GOLGA1: variants seen among roughly 807,000 people sequenced by gnomAD.
The protein encoded by GOLGA1 is golgin A1, also known as golgin subfamily A member 1.
A neutral mutation model predicts 119.7 loss-of-function variants in GOLGA1; 63 were observed. That is an observed-to-expected ratio of 0.53 (90% CI 0.43 to 0.65). The LOEUF (loss-of-function observed/expected upper bound fraction) is 0.65. Ranked by LOEUF, GOLGA1 falls within the 30% of genes least tolerant of loss-of-function variation. GOLGA1 has a pLI of 0.00. For missense variants in GOLGA1, 798 were observed against 912.8 expected, an observed-to-expected ratio of 0.87 and a Z score of 1.62; for synonymous variants, 318 against 333.4, an observed-to-expected ratio of 0.95 and a Z score of 0.50.
upstream of GOLGA1, chr9:124,945,928 G>A (rs753498255): frequency 1.3e-5 from 2 of 152,166 alleles, no homozygotes; most frequent in Non-Finnish European, 2.9e-5. Context: ...TAGTTGTAAA[G>A]TATCAATGTA....
intron 19 of GOLGA1, among the ~76,000 whole-genome samples, chr9:124,883,192 T>C (rs1379596668): frequency 6.6e-6 from 1 of 151,972 alleles, no homozygotes; most frequent in Non-Finnish European, 1.5e-5. Flanking sequence ...CTCCGCCTCC[T>C]GGGTTCAAGT....
At chr9:124,925,692 G>C (rs1830659303) in intron 7 of GOLGA1, among the ~76,000 whole-genome samples, 1 of 152,092 alleles carries the variant, frequency 6.6e-6, no homozygotes, top group African/African-American at 2.4e-5. Flanking sequence ...CCCAGCCTGG[G>C]CAACAGAACA....
chr9:124,915,877 G>A (rs1279834354), intron 10 of GOLGA1, among the ~76,000 whole-genome samples: 2 of 152,048 alleles, frequency 1.3e-5, no homozygotes, highest in Middle Eastern at 3.2e-3. Flanking sequence ...TCCGAGGCAG[G>A]CAGATCAAGA....
chr9:124,917,886 C>T (rs927898761), intron 10 of GOLGA1, among the ~76,000 whole-genome samples: 1 of 151,888 alleles, frequency 6.6e-6, no homozygotes, highest in African/African-American at 2.4e-5. Context: ...GAGTTTCGCT[C>T]TTTTTGCCCA....
At chr9:124,882,777 G>A (rs1309025481) in intron 19 of GOLGA1, among the ~76,000 whole-genome samples, 4 of 152,094 alleles carry the variant, frequency 2.6e-5, no homozygotes, top group Admixed American at 2.0e-4. Flanking sequence ...GCTTTCACAC[G>A]CTTGAGTCTC....
chr9:124,893,541 T>C (rs1232131197), intron 15 of GOLGA1, among the ~76,000 whole-genome samples: 1 of 152,182 alleles, frequency 6.6e-6, no homozygotes, highest in Admixed American at 6.5e-5. Flanking sequence ...AATGGGCTTT[T>C]CCTGGGCCAC....
At chr9:124,886,125 G>A (rs776658423) in intron 19 of GOLGA1, among the ~76,000 whole-genome samples, 3 of 152,216 alleles carry the variant, frequency 2.0e-5, no homozygotes, top group East Asian at 1.9e-4. Flanking sequence ...TGTGTTTTCC[G>A]ATGTTTTGAG....
At chr9:124,911,509 G>A (rs1830341419) in intron 11 of GOLGA1, among the ~76,000 whole-genome samples, 1 of 152,234 alleles carries the variant, frequency 6.6e-6, no homozygotes, top group South Asian at 2.1e-4. Context: ...AGGAGAGAAT[G>A]CTGCCCAAGG....
rs1316023640 is a variant in GOLGA1, at chr9:124,931,361, G to T, written c.181C>A (p.Leu61Met). The T allele has an allele frequency of 6.2e-7, 1 of 1,600,240 alleles. No homozygotes were observed. Among genetic ancestry groups the T allele is most frequent in the Admixed American group, 1.7e-5 (1 of 59,980 alleles). Residue 61 changes from leucine to methionine, a missense_variant, in exon 4 of 23, where the codon CTG becomes ATG. Physicochemically the swap from Leu to Met is conservative, Grantham distance 15. Coordinates refer to ENST00000373555, the MANE Select transcript of GOLGA1 (RefSeq NM_002077.4). ...SSREDLSSQLLRRNEQIRKLE... is the reference protein window; with the variant it reads ...SSREDLSSQLMRRNEQIRKLE... ...TTCCGTATCTGTTCATTCCTTCTCAGAAGCTGGGATGAAAGATCTTCTCTG... is the reference window on the plus strand; with the variant it reads ...TTCCGTATCTGTTCATTCCTTCTCATAAGCTGGGATGAAAGATCTTCTCTG...
At chr9:124,891,425 A>C (rs923882159) in intron 15 of GOLGA1, among the ~76,000 whole-genome samples, 3 of 152,254 alleles carry the variant, frequency 2.0e-5, no homozygotes, top group Non-Finnish European at 4.4e-5. Context: ...AAAATACATG[A>C]AGCAAAGACA....
At chr9:124,897,637 G>A (rs935676835) in intron 15 of GOLGA1, among the ~76,000 whole-genome samples, 3 of 152,058 alleles carry the variant, frequency 2.0e-5, no homozygotes, top group African/African-American at 7.2e-5. Context: ...CACCGCACTG[G>A]CTCATTGCTA....
rs202060274 is a variant in GOLGA1, at chr9:124,900,370, C to T, written c.1161+82G>A. ...AGGTCCAGGTACCGTTGCCGAAGTTCGGAATGAGTTTGGAGCATCTGCAAA... is the reference window on the plus strand; with the variant it reads ...AGGTCCAGGTACCGTTGCCGAAGTTTGGAATGAGTTTGGAGCATCTGCAAA... On this transcript the variant is annotated intron_variant, in intron 13 of 22. Coordinates refer to ENST00000373555, the MANE Select transcript of GOLGA1 (RefSeq NM_002077.4). 2,827 of 762,578 alleles carry T rather than the reference C, an allele frequency of 3.7e-3. 10 individuals are homozygous for T. Among genetic ancestry groups the T allele is most frequent in the Middle Eastern group, 6.2e-3 (19 of 3,064 alleles). The allele number at this position is 762,578 out of a possible 1,614,324, so 47.2% of individuals were successfully genotyped here. A position where few individuals can be genotyped will look rare whatever the true frequency, so the allele number is the denominator to read the frequency against.
Position 124,908,490 on chromosome 9 carries a change from A to G in GOLGA1, c.970-18T>C, listed in dbSNP as rs762670613. On this transcript the variant is annotated intron_variant, in intron 11 of 22. Coordinates refer to ENST00000373555, the MANE Select transcript of GOLGA1 (RefSeq NM_002077.4). ...AGTGTTTTCTGTAAGTTGAAAGAAGAGTAAAAGAAGACTATCATTCCTCAG... is the reference window on the plus strand; with the variant it reads ...AGTGTTTTCTGTAAGTTGAAAGAAGGGTAAAAGAAGACTATCATTCCTCAG... 4.1e-5 allele frequency: 52 copies of G among 1,265,996 alleles called. No homozygotes were observed. Among genetic ancestry groups the G allele is most frequent in the Non-Finnish European group, 5.7e-5 (49 of 861,888 alleles). The allele number at this position is 1,265,996 out of a possible 1,614,324, so 78.4% of individuals were successfully genotyped here.
intron 10 of GOLGA1, among the ~76,000 whole-genome samples, chr9:124,915,766 CA>C (rs1420368296): frequency 6.6e-6 from 1 of 151,212 alleles, no homozygotes; most frequent in African/African-American, 2.4e-5. Flanking sequence ...GCCTGGGCAT[CA>C]AGAGCAAAAC....
intron 15 of GOLGA1, among the ~76,000 whole-genome samples, chr9:124,896,418 C>CA (rs1316285126): frequency 2.6e-5 from 4 of 151,884 alleles, no homozygotes; most frequent in Non-Finnish European, 5.9e-5. Flanking sequence ...GTCTCACATA[C>CA]AAAAAACAAA....
At chr9:124,931,703 C>T (rs1336847783) in intron 3 of GOLGA1, among the ~76,000 whole-genome samples, 1 of 151,998 alleles carries the variant, frequency 6.6e-6, no homozygotes, top group Non-Finnish European at 1.5e-5. Context: ...ACTATATTTG[C>T]CATGATAAAA....
intron 15 of GOLGA1, among the ~76,000 whole-genome samples, chr9:124,897,882 T>C (rs1427338563): frequency 2.0e-5 from 3 of 152,190 alleles, no homozygotes; most frequent in South Asian, 2.1e-4. Context: ...AATAAGATCT[T>C]TGAGTCATGA....
At chr9:124,931,261 G>T (rs1420007249) in intron 4 of GOLGA1, 55 bp downstream of exon 4, 5 of 819,096 alleles carry the variant, frequency 6.1e-6, no homozygotes, top group Non-Finnish European at 1.1e-5. Context: ...TATAGGAAGA[G>T]AGTCAAGCAA....
In GOLGA1 at chr9:124,888,138, T is replaced by C; in HGVS notation, c.1905+115A>G. 1 of 920,194 alleles carries C rather than the reference T, an allele frequency of 1.1e-6. No homozygotes were observed. The highest frequency in any genetic ancestry group is 1.8e-6 in the Non-Finnish European group (1 of 571,292). 57.0% of individuals were successfully genotyped at this position (920,194 alleles called of 1,614,324 possible). On this transcript the variant is annotated intron_variant, in intron 19 of 22. Coordinates refer to ENST00000373555, the MANE Select transcript of GOLGA1 (RefSeq NM_002077.4). This position sits in a 1 kb window ranked among gnomAD's most constrained non-coding sequence, Gnocchi z 4.4. ...GGCCTTTGGGTGAGAGGGGTCATGG[T>C]TGCCAGGAGGTGCGGGGGAAACCAC...
Sources: allele counts gnomAD v4.1 joint callset (sites outside exome capture counted in the v4.1 genomes callset), GRCh38; gene constraint gnomAD v4.1.1; non-coding constraint Gnocchi (gnomAD v3.1); transcripts MANE v1.5; gene names NCBI Gene and HGNC (gene_info 2026-07-23, HGNC 2026-07-21).